PACRG: variants seen among roughly 807,000 people sequenced by gnomAD.
PACRG encodes the protein parkin coregulated gene protein.
In PACRG, 29 loss-of-function variants were observed where a neutral mutation model predicts 29.7. The ratio of observed to expected loss-of-function variants is 0.98; its 90% CI spans 0.73 to 1.33. The LOEUF is 1.33. Among genes scored for constraint, PACRG ranks in the 40% most tolerant of loss-of-function variants. The pLI is 0.00. For missense variants in PACRG, 279 were observed against 316.2 expected, an observed-to-expected ratio of 0.88 and a Z score of 0.89; for synonymous variants, 116 against 118.7, an observed-to-expected ratio of 0.98 and a Z score of 0.15.
intron 2 of PACRG, among the ~76,000 whole-genome samples, chr6:162,831,101 A>G (rs1221383621): frequency 3.9e-5 from 6 of 152,142 alleles, no homozygotes; most frequent in Non-Finnish European, 7.3e-5. Context: ...CTTTAAACCC[A>G]GAAGAGTGCA....
intron 2 of PACRG, among the ~76,000 whole-genome samples, chr6:162,947,788 A>G (rs1250138333): frequency 6.7e-6 from 1 of 149,992 alleles, no homozygotes; most frequent in East Asian, 1.9e-4. Context: ...CAAGAAGGTA[A>G]TCCATTTACA....
chr6:162,830,707 G>C lies in PACRG; in HGVS notation c.291+16426G>C, dbSNP rs576986661. 1.4e-4 allele frequency among the ~76,000 whole-genome samples: 22 copies of C among 152,298 alleles called. 1 individual carries two copies. In the South Asian group the frequency reaches 4.6e-3, roughly 32 times the overall value. On this transcript the variant is annotated intron_variant, in intron 2 of 4. Transcript: ENST00000366888. ...CTAGTTGAAAGTGTGCAGGCATGGT[G>C]GGGGGTAGACGTCTTACATTAAAAC...
At chr6:163,266,203 A>G (rs1783523357) in intron 4 of PACRG, among the ~76,000 whole-genome samples, 1 of 152,226 alleles carries the variant, frequency 6.6e-6, no homozygotes, top group Non-Finnish European at 1.5e-5. Flanking sequence ...TGGGAAGTGG[A>G]AATGTCCATT....
In PACRG at chr6:163,201,301, T is replaced by G. The variant is rs562113209; in HGVS notation, c.613+111893T>G. Among the ~76,000 whole-genome samples, 3 of 152,364 alleles carry G rather than the reference T, an allele frequency of 2.0e-5. No individual in the cohort carries two copies. In the East Asian group the frequency reaches 5.8e-4, roughly 29 times the overall value. On this transcript the variant is annotated intron_variant, in intron 4 of 4. Transcript: ENST00000366888. ...TCTTAATAGTAGTTATAAATTGTAATAGGAACCAGGAAGACTACAACATTT... is the reference window on the plus strand; with the variant it reads ...TCTTAATAGTAGTTATAAATTGTAAGAGGAACCAGGAAGACTACAACATTT...
At chr6:163,258,264 A>G (rs936057195) in intron 4 of PACRG, among the ~76,000 whole-genome samples, 2 of 152,128 alleles carry the variant, frequency 1.3e-5, no homozygotes, top group African/African-American at 4.8e-5. Flanking sequence ...TAGACATGTC[A>G]TTTATTTTAA....
chr6:163,221,226 T>G (rs1781571535), intron 4 of PACRG, among the ~76,000 whole-genome samples: 1 of 152,230 alleles, frequency 6.6e-6, no homozygotes, highest in Non-Finnish European at 1.5e-5. Context: ...ATCGCAGTTT[T>G]CCTAGTTATT....
chr6:163,006,826 G>T (rs2128206240), intron 2 of PACRG, among the ~76,000 whole-genome samples: 1 of 150,396 alleles, frequency 6.6e-6, no homozygotes, highest in East Asian at 1.9e-4. Flanking sequence ...ACCTATTTGT[G>T]CCTTTATATT....
chr6:162,815,969 A>G (rs1787302019), intron 2 of PACRG, among the ~76,000 whole-genome samples: 1 of 152,166 alleles, frequency 6.6e-6, no homozygotes, highest in Non-Finnish European at 1.5e-5. Flanking sequence ...ATATAGATTT[A>G]CTATGATTCA....
chr6:163,199,822 G>A (rs1314881193), intron 4 of PACRG, among the ~76,000 whole-genome samples: 1 of 152,162 alleles, frequency 6.6e-6, no homozygotes, highest in Admixed American at 6.5e-5. Flanking sequence ...GTCTGTGTTT[G>A]TGTATGTGTA....
intron 4 of PACRG, among the ~76,000 whole-genome samples, chr6:163,130,945 GT>G (rs1816708468): frequency 7.2e-5 from 11 of 152,182 alleles, no homozygotes; most frequent in Admixed American, 1.3e-4. Flanking sequence ...TGTGTAATTA[GT>G]TAAGATAAGG....
chr6:162,814,216 T>G lies in PACRG; in HGVS notation c.226T>G (p.Tyr76Asp). 1 of 1,614,012 alleles carries G rather than the reference T, an allele frequency of 6.2e-7. No individual in the cohort carries two copies. The highest frequency in any genetic ancestry group is 8.5e-7 in the Non-Finnish European group (1 of 1,179,936). The change falls in exon 2 of 5, where the codon TAT becomes GAT. Residue 76 changes from tyrosine (Y) to aspartate (D), a missense_variant. Tyr to Asp is a radical substitution (Grantham distance 160, BLOSUM62 -3). Transcript: ENST00000366888. ...CAAGCCCACAGCATTTCGAAAATTCTATGAGCGAGGTGACTTCCCAATTGC... is the reference window on the plus strand; with the variant it reads ...CAAGCCCACAGCATTTCGAAAATTCGATGAGCGAGGTGACTTCCCAATTGC... ...PTKPTAFRKF[Y>D]ERGDFPIALE...
chr6:162,846,887 G>T (rs1011509957), intron 2 of PACRG, among the ~76,000 whole-genome samples: 3 of 120,206 alleles, frequency 2.5e-5, no homozygotes, highest in Non-Finnish European at 5.3e-5. Context: ...TCTCCACACT[G>T]ACCACTGTGC....
intron 4 of PACRG, among the ~76,000 whole-genome samples, chr6:163,114,231 G>C (rs1168765890): frequency 6.6e-6 from 1 of 152,192 alleles, no homozygotes; most frequent in African/African-American, 2.4e-5. Context: ...GCCTGGGTGA[G>C]AGAACTGAGA....
At chr6:163,015,664 T>C (rs913563640) in intron 2 of PACRG, among the ~76,000 whole-genome samples, 6 of 152,198 alleles carry the variant, frequency 3.9e-5, no homozygotes, top group Non-Finnish European at 8.8e-5. Context: ...TATTGGTGTA[T>C]AGAAATGCTA....
rs1779005790 is a variant in PACRG at position 163,170,183 on chromosome 6, A to G, written c.613+80775A>G. 3.9e-5 allele frequency among the ~76,000 whole-genome samples: 6 copies of G among 152,192 alleles called. No individual in the cohort carries two copies. The South Asian group carries it at 1.2e-3, about 32-fold the overall frequency. On this transcript the variant is annotated intron_variant, in intron 4 of 4. Coordinates refer to ENST00000366888, the MANE Select transcript of PACRG (RefSeq NM_001080379.2). ...GAAAAAGGCAGTTGCCCTGCGGGGA[A>G]GGGAACTGTTGAGGGGTGAGACTGC...
intron 1 of PACRG, among the ~76,000 whole-genome samples, chr6:162,797,426 A>G (rs770374912): frequency 2.6e-5 from 4 of 152,240 alleles, no homozygotes; most frequent in Non-Finnish European, 4.4e-5. Flanking sequence ...GGGATGAGAC[A>G]TTGAACTGGA....
At chr6:163,083,823 A>G (rs1813294423) in intron 3 of PACRG, among the ~76,000 whole-genome samples, 1 of 152,120 alleles carries the variant, frequency 6.6e-6, no homozygotes, top group African/African-American at 2.4e-5. Flanking sequence ...TTCTTGTTTT[A>G]AAAGAAGAAG....
intron 1 of PACRG, among the ~76,000 whole-genome samples, chr6:162,790,671 T>G (rs1282901036): frequency 6.6e-6 from 1 of 152,170 alleles, no homozygotes; most frequent in African/African-American, 2.4e-5. Context: ...AACCTGATTT[T>G]CCCTCTGCAC....
chr6:162,937,339 G>A (rs1270136999), intron 2 of PACRG, among the ~76,000 whole-genome samples: 1 of 152,144 alleles, frequency 6.6e-6, no homozygotes, highest in Non-Finnish European at 1.5e-5. Flanking sequence ...CACAACCACA[G>A]GTAGCTGCTG....
Sources: allele counts gnomAD v4.1 joint callset (sites outside exome capture counted in the v4.1 genomes callset), GRCh38; gene constraint gnomAD v4.1.1; transcripts MANE v1.5; gene names NCBI Gene and HGNC (gene_info 2026-07-23, HGNC 2026-07-21).